The following RAD9B variants were observed in gnomAD, a reference collection of about 807,000 sequenced individuals.
RAD9B encodes cell cycle checkpoint control protein RAD9B.
Under a neutral mutation model 48.3 loss-of-function variants are expected in RAD9B, and 41 were observed. That is an observed-to-expected ratio of 0.85 (90% CI 0.66 to 1.10). The LOEUF is 1.10. Among genes scored for constraint, RAD9B ranks in the 50% least tolerant of loss-of-function variants. The pLI, the probability that RAD9B is intolerant of heterozygous loss-of-function variation, is 0.00. For missense variants in RAD9B, 444 were observed against 485.1 expected (o/e 0.92, Z 0.80); for synonymous variants, 160 against 157.9 (o/e 1.01, Z -0.10).
In RAD9B at chr12:110,531,184, T is replaced by C; in HGVS notation, c.*531T>C. ...CTGGAAAAAAGATCAAGAGTAAAAATATATAGTCACTTTCACTTGGCTTTT... is the reference window on the plus strand; with the variant it reads ...CTGGAAAAAAGATCAAGAGTAAAAACATATAGTCACTTTCACTTGGCTTTT... On this transcript the variant is annotated 3_prime_UTR_variant, in exon 11 of 11. Transcript: ENST00000409300. 3.0e-6 allele frequency: 3 copies of C among 988,756 alleles called. No homozygotes were observed. Among genetic ancestry groups the C allele is most frequent in the Non-Finnish European group, 3.6e-6 (3 of 824,918 alleles). 61.2% of individuals were successfully genotyped at this position (988,756 alleles called of 1,614,324 possible).
intron 4 of RAD9B, chr12:110,511,668 G>A: frequency 4.4e-6 from 1 of 226,452 alleles, no homozygotes; most frequent in East Asian, 1.2e-4. Flanking sequence ...AGCAGAGTAG[G>A]GTGACTATAA....
At chr12:110,524,678 G>A (rs919375093) in intron 10 of RAD9B, among the ~76,000 whole-genome samples, 1 of 152,052 alleles carries the variant, frequency 6.6e-6, no homozygotes, top group African/African-American at 2.4e-5. Context: ...GAGGTGGGCA[G>A]ATCACAAGGT....
At chr12:110,520,628 C>CTTTTTTTTTTTTTTTTTTTGTTTTTTTTT (rs71083129) in intron 9 of RAD9B, among the ~76,000 whole-genome samples, 1 of 99,968 alleles carries the variant, frequency 1.0e-5, no homozygotes, top group South Asian at 3.5e-4. Flanking sequence ...TTCTTGCTTT[C>CTTTTTTTTTTTTTTTTTTTGTTTTTTTTT]TTTTTTTTTT....
chr12:110,515,533 G>C (rs994071466), intron 6 of RAD9B, among the ~76,000 whole-genome samples: 4 of 151,998 alleles, frequency 2.6e-5, no homozygotes, highest in African/African-American at 9.7e-5. Context: ...TGGTGGCTCA[G>C]GCCTGTAATC....
chr12:110,520,633 T>C (rs1593092418), intron 9 of RAD9B, among the ~76,000 whole-genome samples: 1 of 147,262 alleles, frequency 6.8e-6, no homozygotes, highest in Non-Finnish European at 1.5e-5. Flanking sequence ...GCTTTCTTTT[T>C]TTTTTTTTTT....
rs371463893 is a variant in RAD9B, at chr12:110,530,993, G to T, written c.*340G>T. Reference sequence around the variant, plus strand: ...AAAGGTATTTAAACTTTATTCAACAGCCATTTAGAGTGCCATCAAGATGGC... The same window carrying T: ...AAAGGTATTTAAACTTTATTCAACATCCATTTAGAGTGCCATCAAGATGGC... On this transcript the variant is annotated 3_prime_UTR_variant, in exon 11 of 11. Coordinates refer to ENST00000409300, the MANE Select transcript of RAD9B (RefSeq NM_001286535.2). 2.9e-4 allele frequency: 292 copies of T among 1,019,804 alleles called. 3 individuals carry two copies. In the South Asian group the frequency reaches 9.8e-3, roughly 34 times the overall value. The allele number at this position is 1,019,804 out of a possible 1,614,324, so 63.2% of individuals were successfully genotyped here.
In RAD9B at chr12:110,532,314, A is replaced by G. The variant is rs1484528139; in HGVS notation, c.*1661A>G. ...AACTCTGTAGGTCTCTTTGCTGAGGATAACATTTCTGGTTCATTCATTGAA... is the reference window on the plus strand; with the variant it reads ...AACTCTGTAGGTCTCTTTGCTGAGGGTAACATTTCTGGTTCATTCATTGAA... On this transcript the variant is annotated 3_prime_UTR_variant, in exon 11 of 11. Coordinates refer to ENST00000409300, the MANE Select transcript of RAD9B (RefSeq NM_001286535.2). Among the ~76,000 whole-genome samples the G allele has an allele frequency of 2.0e-5, 3 of 152,244 alleles. No homozygotes were observed. Among genetic ancestry groups the G allele is most frequent in the Non-Finnish European group, 2.9e-5 (2 of 68,042 alleles).
chr12:110,530,875 A>G lies in RAD9B; in HGVS notation c.*222A>G. On this transcript the variant is annotated 3_prime_UTR_variant, in exon 11 of 11. Transcript: ENST00000409300. ...AAATCCATTATGCTACTTGTGAGGCAGAAGAGTTTTCTGTGAAGGAAAAAA... is the reference window on the plus strand; with the variant it reads ...AAATCCATTATGCTACTTGTGAGGCGGAAGAGTTTTCTGTGAAGGAAAAAA... 5 of 1,277,048 alleles carry G rather than the reference A, an allele frequency of 3.9e-6. No individual in the cohort carries two copies. The highest frequency in any genetic ancestry group is 5.0e-6 in the Non-Finnish European group (5 of 1,007,756). The allele number at this position is 1,277,048 out of a possible 1,614,324, so 79.1% of individuals were successfully genotyped here. A position where few individuals can be genotyped will look rare whatever the true frequency, so the allele number is the denominator to read the frequency against.
chr12:110,524,977 C>T (rs1374449673), intron 10 of RAD9B, among the ~76,000 whole-genome samples: 1 of 151,856 alleles, frequency 6.6e-6, no homozygotes, highest in Non-Finnish European at 1.5e-5. Flanking sequence ...GCCTTTAAGA[C>T]TTTCTTCTTT....
intron 4 of RAD9B, 103 bp from the exon 5 acceptor site, chr12:110,512,676 A>G (rs1271583015): frequency 1.7e-6 from 1 of 606,004 alleles, no homozygotes; most frequent in Non-Finnish European, 2.9e-6. Flanking sequence ...CCAGATAGTA[A>G]ATGTTACTTT....
intron 10 of RAD9B, 33 bp from the exon 11 acceptor site, chr12:110,530,492 G>C: frequency 6.2e-7 from 1 of 1,609,928 alleles, no homozygotes; most frequent in Middle Eastern, 1.7e-4. Flanking sequence ...TTTCTCTTTG[G>C]AATCAACAAT....
In RAD9B at chr12:110,532,270, A is replaced by C. The variant is rs2064161523; in HGVS notation, c.*1617A>C. On this transcript the variant is annotated 3_prime_UTR_variant, in exon 11 of 11. Coordinates refer to ENST00000409300, the MANE Select transcript of RAD9B (RefSeq NM_001286535.2). ...AACAAATGCAGATGCCTACACAGGG[A>C]GCTTTTATACACAAAAGTAACTCTG... Among the ~76,000 whole-genome samples the C allele has an allele frequency of 6.6e-6, 1 of 152,232 alleles. No homozygotes were observed. Among genetic ancestry groups the C allele is most frequent in the African/African-American group, 2.4e-5 (1 of 41,460 alleles).
At chr12:110,507,548 ATG>A (rs2063334418) in intron 4 of RAD9B, among the ~76,000 whole-genome samples, 2 of 118,972 alleles carry the variant, frequency 1.7e-5, no homozygotes, top group South Asian at 2.6e-4. Context: ...TACATAATAT[ATG>A]TATTAAATAT....
intron 6 of RAD9B, 130 bp downstream of exon 6, chr12:110,515,286 G>A: frequency 1.7e-6 from 1 of 574,114 alleles, no homozygotes; most frequent in Non-Finnish European, 3.0e-6. Context: ...AGAAAGGTTG[G>A]AAAAAGCTTT....
intron 10 of RAD9B, 79 bp downstream of exon 10, chr12:110,522,490 C>T: frequency 1.0e-6 from 1 of 958,852 alleles, no homozygotes; most frequent in Admixed American, 2.5e-5. Context: ...CCCCAATCCC[C>T]ACCCAGCCAT....
chr12:110,513,906 A>G lies in RAD9B; in HGVS notation c.488+1028A>G, dbSNP rs142155855. Among the ~76,000 whole-genome samples the G allele has an allele frequency of 6.9e-3, 1,039 of 151,616 alleles. 1 individual carries two copies. The highest frequency in any genetic ancestry group is 9.4e-3 in the Non-Finnish European group (636 of 67,880). On this transcript the variant is annotated intron_variant, in intron 5 of 10. Transcript: ENST00000409300. ...GCCTGGCTAATTTTTGTATTTTTTTATAGAGACGGGGTTTCGCCATGTTGC... is the reference window on the plus strand; with the variant it reads ...GCCTGGCTAATTTTTGTATTTTTTTGTAGAGACGGGGTTTCGCCATGTTGC...
chr12:110,504,344 C>G (rs2063196395), intron 2 of RAD9B, among the ~76,000 whole-genome samples: 1 of 151,700 alleles, frequency 6.6e-6, no homozygotes, highest in African/African-American at 2.4e-5. Flanking sequence ...TGGTGGGCAC[C>G]TGTAATCCCA....
rs975916155 is a variant in RAD9B at position 110,532,255 on chromosome 12, G to A, written c.*1602G>A. On this transcript the variant is annotated 3_prime_UTR_variant, in exon 11 of 11. Coordinates refer to ENST00000409300, the MANE Select transcript of RAD9B (RefSeq NM_001286535.2). The stretch of plus-strand genomic sequence containing the variant: ...ATTTCTGGTATTTCTAACAAATGCA[G>A]ATGCCTACACAGGGAGCTTTTATAC... 2.6e-5 allele frequency among the ~76,000 whole-genome samples: 4 copies of A among 152,192 alleles called. No individual in the cohort carries two copies. Among genetic ancestry groups the A allele is most frequent in the African/African-American group, 7.2e-5 (3 of 41,458 alleles).
At chr12:110,515,282 GT>G in intron 6 of RAD9B, 126 bp downstream of exon 6, 1 of 580,760 alleles carries the variant, frequency 1.7e-6, no homozygotes, top group East Asian at 3.0e-5. Context: ...ATGTAGAAAG[GT>G]TGGAAAAAGC....
Sources: allele counts gnomAD v4.1 joint callset (sites outside exome capture counted in the v4.1 genomes callset), GRCh38; gene constraint gnomAD v4.1.1; transcripts MANE v1.5; gene names NCBI Gene and HGNC (gene_info 2026-07-23, HGNC 2026-07-21).